ALK: variants seen among roughly 807,000 people sequenced by gnomAD.
ALK encodes ALK tyrosine kinase receptor.
Under a neutral mutation model 163.1 loss-of-function variants are expected in ALK, and 74 were observed. The observed-to-expected ratio is 0.45, with a 90% CI of 0.38 to 0.55. The LOEUF (loss-of-function observed/expected upper bound fraction) is 0.55, where lower values mean the gene tolerates loss of function less well. Among genes scored for constraint, ALK ranks in the 20% least tolerant of loss-of-function variants. ALK has a pLI of 0.00. For missense variants in ALK, 2,063 were observed against 2,105.3 expected, an observed-to-expected ratio of 0.98 and a Z score of 0.39; for synonymous variants, 960 against 843.2, an observed-to-expected ratio of 1.14 and a Z score of -2.40.
chr2:29,682,152 C>T (rs1678090111), intron 3 of ALK, among the ~76,000 whole-genome samples: 1 of 152,088 alleles, frequency 6.6e-6, no homozygotes, highest in Non-Finnish European at 1.5e-5. Flanking sequence ...ATACTTTAGG[C>T]TTTTGATGGC....
chr2:29,686,042 C>T (rs1412932387), intron 3 of ALK, among the ~76,000 whole-genome samples: 2 of 152,204 alleles, frequency 1.3e-5, no homozygotes, highest in East Asian at 1.9e-4. Context: ...TGTGATTCCA[C>T]TGGGTCAACC....
chr2:29,713,239 C>T (rs1378599893), intron 2 of ALK, among the ~76,000 whole-genome samples: 4 of 152,186 alleles, frequency 2.6e-5, no homozygotes, highest in Non-Finnish European at 2.9e-5. Flanking sequence ...AAGGCCCATC[C>T]TAATCCAGTA....
At chr2:29,564,380 A>G (rs1173680133) in intron 3 of ALK, among the ~76,000 whole-genome samples, 1 of 152,220 alleles carries the variant, frequency 6.6e-6, no homozygotes, top group Non-Finnish European at 1.5e-5. Context: ...GGATCTTCCA[A>G]TAAAAATGAG....
intron 1 of ALK, among the ~76,000 whole-genome samples, chr2:29,856,808 T>C (rs1299357839): frequency 6.6e-6 from 1 of 152,256 alleles, no homozygotes; most frequent in African/African-American, 2.4e-5. Context: ...AACTGTGGAC[T>C]CATGCTAAGA....
At chr2:29,271,669 G>A (rs190200138) in intron 11 of ALK, among the ~76,000 whole-genome samples, 2 of 152,378 alleles carry the variant, frequency 1.3e-5, no homozygotes, top group African/African-American at 4.8e-5. Context: ...AGGCAGAATG[G>A]CCCCACGCCC....
At chr2:29,413,633 GCA>G (rs1669787675) in intron 4 of ALK, among the ~76,000 whole-genome samples, 1 of 152,052 alleles carries the variant, frequency 6.6e-6, no homozygotes, top group Non-Finnish European at 1.5e-5. Context: ...CCAGGTTCAA[GCA>G]AGTCTCCTGC....
chr2:29,808,640 G>A (rs1572396090), intron 1 of ALK, among the ~76,000 whole-genome samples: 1 of 152,138 alleles, frequency 6.6e-6, no homozygotes, highest in Non-Finnish European at 1.5e-5. Flanking sequence ...CTGCTGCTCT[G>A]AATGCTCCCC....
At chr2:29,667,058 T>A (rs766333480) in intron 3 of ALK, among the ~76,000 whole-genome samples, 12 of 152,160 alleles carry the variant, frequency 7.9e-5, no homozygotes, top group South Asian at 2.1e-4. Context: ...CCATTGTGTA[T>A]AAGTAACACA....
rs759426382 is a variant in ALK, at chr2:29,532,020, G to A, written c.1049C>T (p.Ser350Leu). Residue 350 changes from serine to leucine, a missense_variant, in exon 4 of 29, where the codon TCG becomes TTG. Coordinates refer to ENST00000389048, the MANE Select transcript of ALK (RefSeq NM_004304.5). Reference protein sequence around the residue: ...SSSEHCTLAVSVHRHLQPSGR... With the variant: ...SSSEHCTLAVLVHRHLQPSGR... The stretch of plus-strand genomic sequence containing the variant: ...AGAGGGCTGCAGGTGCCTGTGCACC[G>A]AGACGGCCAGTGTGCAGTGCTCACT... The A allele has an allele frequency of 8.7e-6, 14 of 1,614,038 alleles. No individual in the cohort carries two copies. Among genetic ancestry groups the A allele is most frequent in the Middle Eastern group, 1.6e-4 (1 of 6,084 alleles).
chr2:29,903,635 C>T (rs770205885), intron 1 of ALK, among the ~76,000 whole-genome samples: 16 of 152,164 alleles, frequency 1.1e-4, no homozygotes, highest in Non-Finnish European at 1.9e-4. Context: ...AAAACCATAA[C>T]AAAGCAGCTC....
chr2:29,531,548 T>C (rs980880493), intron 4 of ALK, among the ~76,000 whole-genome samples: 1 of 152,234 alleles, frequency 6.6e-6, no homozygotes, highest in East Asian at 1.9e-4. Context: ...CTTCTGCTGG[T>C]AAAACCCAGT....
At chr2:29,507,523 G>A (rs999219889) in intron 4 of ALK, among the ~76,000 whole-genome samples, 7 of 152,006 alleles carry the variant, frequency 4.6e-5, no homozygotes, top group Non-Finnish European at 1.0e-4. Context: ...TGATTAAGAT[G>A]GTAAATTTTA....
intron 12 of ALK, among the ~76,000 whole-genome samples, chr2:29,247,710 G>A (rs984232059): frequency 1.3e-5 from 2 of 152,166 alleles, no homozygotes. Context: ...TTGGCATGAA[G>A]TTGGGGCTTG....
At chr2:29,599,219 A>G (rs1433898001) in intron 3 of ALK, among the ~76,000 whole-genome samples, 4 of 151,770 alleles carry the variant, frequency 2.6e-5, no homozygotes, top group Non-Finnish European at 5.9e-5. Flanking sequence ...ACTCTGTCCT[A>G]GAGGAGTACT....
chr2:29,417,920 C>G (rs1435693248), intron 4 of ALK, among the ~76,000 whole-genome samples: 1 of 152,194 alleles, frequency 6.6e-6, no homozygotes, highest in Non-Finnish European at 1.5e-5. Context: ...TTGTATGCTA[C>G]AGGACATGTT....
chr2:29,857,346 A>C (rs1206334449), intron 1 of ALK, among the ~76,000 whole-genome samples: 2 of 152,232 alleles, frequency 1.3e-5, no homozygotes, highest in African/African-American at 4.8e-5. Flanking sequence ...AGTCTTTCCC[A>C]GACTGGACCC....
intron 4 of ALK, among the ~76,000 whole-genome samples, chr2:29,455,226 G>A (rs1320160319): frequency 6.6e-6 from 1 of 152,206 alleles, no homozygotes; most frequent in Non-Finnish European, 1.5e-5. Flanking sequence ...AGTGTGAAGA[G>A]AGCCCAGAGG....
chr2:29,353,918 G>A (rs966485891), intron 5 of ALK, among the ~76,000 whole-genome samples: 1 of 152,176 alleles, frequency 6.6e-6, no homozygotes, highest in African/African-American at 2.4e-5. Flanking sequence ...TTAGGATGTT[G>A]AGACTCAAAG....
chr2:29,678,266 T>G (rs1011352742), intron 3 of ALK, among the ~76,000 whole-genome samples: 1 of 151,912 alleles, frequency 6.6e-6, no homozygotes, highest in East Asian at 1.9e-4. Context: ...TTGGGTTCAA[T>G]GATTCTTACT....
Sources: allele counts gnomAD v4.1 joint callset (sites outside exome capture counted in the v4.1 genomes callset), GRCh38; gene constraint gnomAD v4.1.1; transcripts MANE v1.5; gene names NCBI Gene and HGNC (gene_info 2026-07-23, HGNC 2026-07-21).